ABCC8: variants seen among roughly 807,000 people sequenced by gnomAD.
The protein encoded by ABCC8 is ATP binding cassette subfamily C member 8.
In ABCC8, 137 loss-of-function variants were observed where a neutral mutation model predicts 188.0. The observed-to-expected ratio is 0.73, with a 90% CI of 0.63 to 0.84. ABCC8 has a LOEUF of 0.84. Ranked by LOEUF, ABCC8 falls within the 40% of genes least tolerant of loss-of-function variation. The pLI is 0.00. For missense variants in ABCC8, 1,750 were observed against 2,072.7 expected (o/e 0.84, Z 3.02); for synonymous variants, 797 against 846.5 (o/e 0.94, Z 1.01).
At chr11:17,461,116 A>G in intron 5 of ABCC8, 2 of 336,404 alleles carry the variant, frequency 5.9e-6, no homozygotes, top group Non-Finnish European at 5.7e-6. Context: ...TGGGCAGGTC[A>G]CAGCCTTTCT....
intron 23 of ABCC8, 133 bp downstream of exon 23, chr11:17,408,259 A>T (rs1005735119): frequency 5.8e-6 from 5 of 862,720 alleles, no homozygotes; most frequent in Non-Finnish European, 9.2e-6. Context: ...GAGCCAGTTC[A>T]TGCCCAGCTC....
chr11:17,416,780 GA>G, intron 17 of ABCC8, 149 bp downstream of exon 17: 1 of 1,238,974 alleles, frequency 8.1e-7, no homozygotes, highest in Non-Finnish European at 1.2e-6. Context: ...CCCTCATTGA[GA>G]ATGCAGGCCT....
rs140599332 is a variant in ABCC8, at chr11:17,394,315, G to C, written c.4496C>G (p.Thr1499Ser). 2 of 1,613,908 alleles carry C rather than the reference G, an allele frequency of 1.2e-6. No individual in the cohort carries two copies. The highest frequency in any genetic ancestry group is 2.7e-5 in the African/African-American group (2 of 74,938). Residue 1499 changes from threonine to serine, a missense_variant, in exon 37 of 39, where the codon ACC (threonine) becomes AGC (serine). Physicochemically the swap from Thr to Ser is moderately conservative, Grantham distance 58. Transcript: ENST00000389817. ...FCLARAFVRKTSIFIMDEATA... is the reference protein window; with the variant it reads ...FCLARAFVRKSSIFIMDEATA... The stretch of plus-strand genomic sequence containing the variant: ...GGCCTCGTCCATGATGAAGATGCTG[G>C]TCTTCCTCACGAAGGCCCGGGCCAG...
At chr11:17,471,010 A>C (rs1011291945) in intron 2 of ABCC8, among the ~76,000 whole-genome samples, 4 of 152,188 alleles carry the variant, frequency 2.6e-5, no homozygotes, top group African/African-American at 9.6e-5. Flanking sequence ...CCTGGAACGA[A>C]AGGCCCAGGC....
rs976362504 is a variant in ABCC8 at position 17,427,575 on chromosome 11, C to T, written c.2116+292G>A. ...CCATTCTCAGAAACCCCATCACTTC[C>T]ACTTGCGTTCCTTGGCTACCCACTT... On this transcript the variant is annotated intron_variant, in intron 15 of 38. Coordinates refer to ENST00000389817, the MANE Select transcript of ABCC8 (RefSeq NM_000352.6). The surrounding 1 kb of genome is among the most constrained non-coding windows in gnomAD (Gnocchi z 5.0). Among the ~76,000 whole-genome samples the T allele has an allele frequency of 2.6e-5, 4 of 152,306 alleles. No homozygotes were observed. Among genetic ancestry groups the T allele is most frequent in the African/African-American group, 9.6e-5 (4 of 41,566 alleles).
intron 10 of ABCC8, among the ~76,000 whole-genome samples, chr11:17,433,953 G>T (rs910804012): frequency 6.6e-6 from 1 of 152,214 alleles, no homozygotes; most frequent in Non-Finnish European, 1.5e-5. Flanking sequence ...GCAGGAAACA[G>T]CGTAAGTATT....
rs772836647 is a variant in ABCC8, at chr11:17,476,828, C to G, written c.-52G>C. On this transcript the variant is annotated 5_prime_UTR_variant, in exon 1 of 39. Coordinates refer to ENST00000389817, the MANE Select transcript of ABCC8 (RefSeq NM_000352.6). ...GGCTCAGCTGGCTCCGCTGGCTCCG[C>G]GCGCCTGCCGCGCCTCTGTCCCTTG... 3 of 1,436,042 alleles carry G rather than the reference C, an allele frequency of 2.1e-6. No individual in the cohort carries two copies. The South Asian group carries it at 4.4e-5, about 21-fold the overall frequency. 89.0% of individuals were successfully genotyped at this position (1,436,042 alleles called of 1,614,324 possible).
At chr11:17,414,702 G>A in intron 18 of ABCC8, 92 bp from the exon 19 acceptor site, 1 of 1,592,796 alleles carries the variant, frequency 6.3e-7, no homozygotes, top group Non-Finnish European at 8.5e-7. Flanking sequence ...CTCAGATGGA[G>A]GCAAGGGGAT....
chr11:17,467,042 CCACA>C lies in ABCC8; in HGVS notation c.412+3055_412+3058del, dbSNP rs569546580. ...TAAATTTTATGTTAAACATGTTAAA[CCACA>C]CACACACACACACACACACACACAC... On this transcript the variant is annotated intron_variant, in intron 3 of 38. Coordinates refer to ENST00000389817, the MANE Select transcript of ABCC8 (RefSeq NM_000352.6). 5.4e-3 allele frequency among the ~76,000 whole-genome samples: 712 copies of C among 132,370 alleles called. 6 individuals are homozygous for C. The highest frequency in any genetic ancestry group is 0.033 in the South Asian group (122 of 3,674). 86.8% of individuals were successfully genotyped at this position (132,370 alleles called of 152,430 possible).
chr11:17,476,547 G>C, intron 1 of ABCC8, 82 bp downstream of exon 1: 2 of 1,521,964 alleles, frequency 1.3e-6, no homozygotes, highest in Middle Eastern at 1.8e-4. Context: ...GGAAGGGGAC[G>C]CCGAGCGGTG....
In ABCC8 at chr11:17,412,763, G is replaced by A. The variant is rs777564447; in HGVS notation, c.2476-17C>T. ...GTTGATGCCCTGTCACCAAAGAGGA[G>A]GAACACATCATGCCCTCAGCCATTC... On this transcript the variant is annotated splice_polypyrimidine_tract_variant and intron_variant, in intron 20 of 38. Coordinates refer to ENST00000389817, the MANE Select transcript of ABCC8 (RefSeq NM_000352.6). 6.2e-7 allele frequency: 1 copy of A among 1,602,118 alleles called. No homozygotes were observed. The highest frequency in any genetic ancestry group is 8.5e-7 in the Non-Finnish European group (1 of 1,174,332).
intron 2 of ABCC8, among the ~76,000 whole-genome samples, chr11:17,470,967 C>T (rs1009441485): frequency 2.6e-5 from 4 of 152,252 alleles, no homozygotes; most frequent in Non-Finnish European, 4.4e-5. Context: ...TCCACAGCTC[C>T]CTCCTGCAGA....
chr11:17,397,763 G>T lies in ABCC8; in HGVS notation c.3788C>A (p.Ala1263Glu), dbSNP rs772094360. The T allele has an allele frequency of 3.1e-6, 5 of 1,613,776 alleles. No individual in the cohort carries two copies. The highest frequency in any genetic ancestry group is 4.2e-6 in the Non-Finnish European group (5 of 1,179,988). Residue 1263 changes from alanine to glutamate, a missense_variant, in exon 31 of 39, where the codon GCG (alanine) becomes GAG (glutamate). Physicochemically the swap from Ala to Glu is moderately radical, Grantham distance 107. Coordinates refer to ENST00000389817, the MANE Select transcript of ABCC8 (RefSeq NM_000352.6). ...CAGGGAGTTGGAGATGGAGGTCACCGCTGCGATGAGCACCACACATGCACC... is the reference window on the plus strand; with the variant it reads ...CAGGGAGTTGGAGATGGAGGTCACCTCTGCGATGAGCACCACACATGCACC... ...YIGACVVLIA[A>E]VTSISNSLHR... is the part of the protein sequence containing the mutation.
intron 16 of ABCC8, among the ~76,000 whole-genome samples, chr11:17,426,291 C>T (rs1022461238): frequency 6.6e-6 from 1 of 152,188 alleles, no homozygotes; most frequent in Admixed American, 6.5e-5. Context: ...AACTAATTTA[C>T]ACTCCCACCA....
chr11:17,397,847 G>A, intron 30 of ABCC8, 50 bp from the exon 31 acceptor site: 2 of 1,605,540 alleles, frequency 1.2e-6, no homozygotes, highest in Non-Finnish European at 1.7e-6. Context: ...AGAGCCACAG[G>A]CCCCTGTTCT....
chr11:17,428,430 C>T (rs1257067405), intron 13 of ABCC8, 25 bp from the exon 14 acceptor site: 13 of 1,609,342 alleles, frequency 8.1e-6, no homozygotes, highest in Non-Finnish European at 1.1e-5. Flanking sequence ...GAGGTGAGGA[C>T]CCACTGGGCT....
intron 21 of ABCC8, among the ~76,000 whole-genome samples, chr11:17,411,800 A>G (rs903921832): frequency 1.3e-5 from 2 of 152,158 alleles, no homozygotes; most frequent in Admixed American, 6.5e-5. Flanking sequence ...CTTTGAGGCC[A>G]AGGACTGGTT....
chr11:17,436,544 GA>G (rs1956104766), intron 10 of ABCC8, among the ~76,000 whole-genome samples: 1 of 151,932 alleles, frequency 6.6e-6, no homozygotes, highest in Non-Finnish European at 1.5e-5. Flanking sequence ...ATTTGATTTA[GA>G]AAAAAACAAA....
chr11:17,465,438 G>C (rs1848091496), intron 3 of ABCC8: 1 of 152,286 alleles, frequency 6.6e-6, no homozygotes, highest in African/African-American at 2.4e-5. Flanking sequence ...CAGAGAGCTT[G>C]GATGTCTTGT....
Sources: allele counts gnomAD v4.1 joint callset (sites outside exome capture counted in the v4.1 genomes callset), GRCh38; gene constraint gnomAD v4.1.1; non-coding constraint Gnocchi (gnomAD v3.1); transcripts MANE v1.5; gene names NCBI Gene and HGNC (gene_info 2026-07-23, HGNC 2026-07-21).